Variants in BLNK observed in about 807,000 individuals in gnomAD.
The protein encoded by BLNK is B-cell linker protein.
Under a neutral mutation model 73.5 loss-of-function variants are expected in BLNK, and 29 were observed. The ratio of observed to expected loss-of-function variants is 0.39; its 90% CI spans 0.29 to 0.54. The LOEUF (loss-of-function observed/expected upper bound fraction) is 0.54. Ranked by LOEUF, BLNK falls within the 20% of genes least tolerant of loss-of-function variation. The probability of loss-of-function intolerance (pLI) is 0.61; values close to 1 mark genes in which losing one functional copy is unlikely to be tolerated. For missense variants in BLNK, 460 were observed against 562.8 expected (o/e 0.82, Z 1.85); for synonymous variants, 176 against 200.8 (o/e 0.88, Z 1.04).
intron 2 of BLNK, 42 bp from the exon 3 acceptor site, chr10:96,242,826 C>A: frequency 6.6e-7 from 1 of 1,522,088 alleles, no homozygotes; most frequent in Non-Finnish European, 9.1e-7. Context: ...GTGAGCAGAA[C>A]AATGATGGTC....
chr10:96,201,807 A>G (rs1472798917), intron 13 of BLNK, among the ~76,000 whole-genome samples: 1 of 152,232 alleles, frequency 6.6e-6, no homozygotes, highest in Non-Finnish European at 1.5e-5. Flanking sequence ...CATTGGGGAT[A>G]TACAGCAGTT....
At chr10:96,236,228 G>A (rs1204142617) in intron 3 of BLNK, among the ~76,000 whole-genome samples, 2 of 152,094 alleles carry the variant, frequency 1.3e-5, no homozygotes, top group Non-Finnish European at 2.9e-5. Context: ...GAGGCTACCC[G>A]GCCGCCAGAC....
chr10:96,252,103 G>A (rs1290010996), intron 1 of BLNK, among the ~76,000 whole-genome samples: 2 of 152,144 alleles, frequency 1.3e-5, no homozygotes, highest in Non-Finnish European at 2.9e-5. Flanking sequence ...CCAGGCTGGG[G>A]TGCAATGGCG....
intron 6 of BLNK, among the ~76,000 whole-genome samples, chr10:96,218,109 C>T (rs1048045287): frequency 2.6e-5 from 4 of 152,132 alleles, no homozygotes; most frequent in South Asian, 2.1e-4. Context: ...AATTAAATGA[C>T]GATAAATGCA....
chr10:96,252,082 A>T (rs1357927035), intron 1 of BLNK, among the ~76,000 whole-genome samples: 1 of 151,804 alleles, frequency 6.6e-6, no homozygotes, highest in Non-Finnish European at 1.5e-5. Context: ...ACGGAGTCTC[A>T]CTCTTGTTGC....
intron 1 of BLNK, among the ~76,000 whole-genome samples, chr10:96,261,842 AC>A (rs1365378766): frequency 6.6e-6 from 1 of 152,210 alleles, no homozygotes; most frequent in Non-Finnish European, 1.5e-5. Context: ...ACATTAATAC[AC>A]TTTTTATGCT....
At chr10:96,235,629 C>A (rs930338256) in intron 3 of BLNK, among the ~76,000 whole-genome samples, 6 of 152,074 alleles carry the variant, frequency 3.9e-5, no homozygotes, top group African/African-American at 1.4e-4. Context: ...TTGCCAGGAG[C>A]GGGGAAAGTT....
At position 96,271,470 on chromosome 10, in the gene BLNK, G is replaced by GAGCA; in HGVS notation, c.-76_-73dup. 1 of 1,498,192 alleles carries GAGCA rather than the reference G, an allele frequency of 6.7e-7. No homozygotes were observed. The highest frequency in any genetic ancestry group is 9.3e-7 in the Non-Finnish European group (1 of 1,075,046). The allele number at this position is 1,498,192 out of a possible 1,614,324, so 92.8% of individuals were successfully genotyped here. A position where few individuals can be genotyped will look rare whatever the true frequency, so the allele number is the denominator to read the frequency against. On this transcript the variant is annotated 5_prime_UTR_variant, in exon 1 of 17. It introduces an in-frame stop codon into an upstream open reading frame of the 5' UTR. Transcript: ENST00000224337. ...GTCAGCAGTTCCTGGCCCTCCTAGG[G>GAGCA]AGCAGCATGGTAAGCCTCTGGTCTC...
intron 7 of BLNK, 22 bp from the exon 8 acceptor site, chr10:96,215,411 G>GTGTA: frequency 3.6e-6 from 5 of 1,401,792 alleles, no homozygotes; most frequent in Non-Finnish European, 5.0e-6. Flanking sequence ...AAATGTGTGT[G>GTGTA]TATATATATA....
intron 4 of BLNK, among the ~76,000 whole-genome samples, chr10:96,228,981 G>A (rs1339640908): frequency 6.7e-6 from 1 of 148,152 alleles, no homozygotes; most frequent in Non-Finnish European, 1.5e-5. Flanking sequence ...ATATATATAT[G>A]GGGTATATGA....
chr10:96,246,492 C>T (rs782093239), intron 2 of BLNK, among the ~76,000 whole-genome samples: 3 of 152,168 alleles, frequency 2.0e-5, no homozygotes, highest in African/African-American at 7.2e-5. Context: ...GCAGAGGTTG[C>T]GGTGAGCTGA....
chr10:96,263,144 A>G lies in BLNK; in HGVS notation c.47+8208T>C, dbSNP rs572091186. 3.6e-4 allele frequency among the ~76,000 whole-genome samples: 55 copies of G among 152,356 alleles called. 1 individual carries two copies. The highest frequency in any genetic ancestry group is 2.4e-3 in the Admixed American group (37 of 15,306). ...CTGGCTGCATAATTTCTGGGGCCCA[A>G]TGTAAAATGAAAATGCAGGGCCCCT... On this transcript the variant is annotated intron_variant, in intron 1 of 16. Transcript: ENST00000224337.
At chr10:96,214,579 G>A (rs1222620906) in intron 8 of BLNK, among the ~76,000 whole-genome samples, 1 of 152,146 alleles carries the variant, frequency 6.6e-6, no homozygotes, top group African/African-American at 2.4e-5. Flanking sequence ...TTTGGAGCAT[G>A]TGGCCTGGAG....
intron 11 of BLNK, 55 bp downstream of exon 11, chr10:96,206,956 C>T: frequency 6.5e-7 from 1 of 1,536,148 alleles, no homozygotes; most frequent in Non-Finnish European, 9.0e-7. Context: ...CATACAAATC[C>T]TTAATAAAAT....
At chr10:96,256,060 G>C (rs1843494277) in intron 1 of BLNK, among the ~76,000 whole-genome samples, 1 of 152,196 alleles carries the variant, frequency 6.6e-6, no homozygotes, top group South Asian at 2.1e-4. Context: ...GGCCAGGCGT[G>C]GTGGTTCATG....
In BLNK at chr10:96,271,555, G is replaced by T; in HGVS notation, c.-157C>A. 1 of 725,452 alleles carries T rather than the reference G, an allele frequency of 1.4e-6. No individual in the cohort carries two copies. The highest frequency in any genetic ancestry group is 2.5e-6 in the Non-Finnish European group (1 of 407,470). The allele number at this position is 725,452 out of a possible 1,614,324, so 44.9% of individuals were successfully genotyped here. A position where few individuals can be genotyped will look rare whatever the true frequency, so the allele number is the denominator to read the frequency against. ...GTGCAGGCTGCTGGCAAACACCCCTGCTCTAGGGAGAAGTAAAACTTGCCC... is the reference window on the plus strand; with the variant it reads ...GTGCAGGCTGCTGGCAAACACCCCTTCTCTAGGGAGAAGTAAAACTTGCCC... On this transcript the variant is annotated 5_prime_UTR_variant, in exon 1 of 17. Transcript: ENST00000224337.
intron 5 of BLNK, among the ~76,000 whole-genome samples, chr10:96,225,283 G>A (rs1160129779): frequency 6.6e-6 from 1 of 152,162 alleles, no homozygotes; most frequent in Non-Finnish European, 1.5e-5. Context: ...CTGGCCTCTG[G>A]ATTGCATCAC....
rs1554898434 is a variant in BLNK at position 96,210,267 on chromosome 10, C to G, written c.677-360G>C. The G allele has an allele frequency of 8.2e-6, 3 of 366,250 alleles. No individual in the cohort carries two copies. In the East Asian group the frequency reaches 2.0e-4, roughly 25 times the overall value. 22.7% of individuals were successfully genotyped at this position (366,250 alleles called of 1,614,324 possible). A position where few individuals can be genotyped will look rare whatever the true frequency, so the allele number is the denominator to read the frequency against. On this transcript the variant is annotated intron_variant, in intron 8 of 16. Transcript: ENST00000224337. ...AGAGGTCCTTCAGGAAGGGAGCCAA[C>G]AGCTCACACCTACATCTGTGCACAC...
intron 1 of BLNK, among the ~76,000 whole-genome samples, chr10:96,258,874 T>C (rs541423898): frequency 8.5e-5 from 13 of 152,308 alleles, no homozygotes; most frequent in African/African-American, 3.1e-4. Flanking sequence ...AAAAAACACA[T>C]AACAAAAAAT....
Sources: gnomAD v4.1 joint callset for allele counts (sites outside exome capture counted in the v4.1 genomes callset) on GRCh38, gnomAD v4.1.1 for gene constraint, MANE v1.5 for transcripts, NCBI Gene and HGNC (gene_info 2026-07-23, HGNC 2026-07-21) for gene names.